The following WAS variants were observed in gnomAD, a reference collection of about 807,000 sequenced individuals.
WAS encodes the protein actin nucleation-promoting factor WAS.
A neutral mutation model predicts 38.9 loss-of-function variants in WAS; 1 was observed. The ratio of observed to expected loss-of-function variants is 0.03; its 90% CI spans 0.01 to 0.12. The LOEUF (loss-of-function observed/expected upper bound fraction) is 0.12, where lower values mean the gene tolerates loss of function less well. WAS is among the 10% of genes least tolerant of loss of function. The pLI is 1.00. For missense variants in WAS, 311 were observed against 431.2 expected (o/e 0.72, Z 2.47); for synonymous variants, 182 against 173.6 (o/e 1.05, Z -0.38).
upstream of WAS, chrX:48,683,285 C>T (rs1346813776): frequency 1.8e-5 from 2 of 111,790 alleles, no homozygotes; most frequent in African/African-American, 6.5e-5. Context: ...GGGGTTTTGC[C>T]ATGTTGCCCA....
At position 48,685,953 on chromosome X, in the gene WAS, C is replaced by T; in HGVS notation, c.471C>T (p.Arg157=). ...KRNQRQSGDR[R]QLPPPPTPAN... is the part of the protein sequence containing the mutation. Reference sequence around the variant, plus strand: ...CAATCCATCTATCCACAGACAGACGCCAGCTACCCCCACCACCAACACCAG... The same window carrying T: ...CAATCCATCTATCCACAGACAGACGTCAGCTACCCCCACCACCAACACCAG... Residue 157 remains arginine (R), a synonymous_variant, in exon 5 of 12, where the codon CGC becomes CGT. Coordinates refer to ENST00000376701, the MANE Select transcript of WAS (RefSeq NM_000377.3). 8.3e-7 allele frequency: 1 copy of T among 1,211,720 alleles called. No homozygotes were observed. Among genetic ancestry groups the T allele is most frequent in the South Asian group, 1.8e-5 (1 of 57,003 alleles).
At chrX:48,688,565 T>C in intron 9 of WAS, 95 bp from the exon 10 acceptor site, 2 of 1,191,153 alleles carry the variant, frequency 1.7e-6, no homozygotes, top group South Asian at 1.8e-5. Context: ...CAGTCAGGAG[T>C]TGGTCAGTGG....
rs782488331 is a variant in WAS, at chrX:48,688,067, G to C, written c.748G>C (p.Val250Leu). 1 of 1,207,423 alleles carries C rather than the reference G, an allele frequency of 8.3e-7. No individual in the cohort carries two copies. Among genetic ancestry groups the C allele is most frequent in the Non-Finnish European group, 1.1e-6 (1 of 893,318 alleles). ...CACCTCTCCCAGGCATGTCAGCCAC[G>C]TGGGGTGGGACCCCCAGAATGGATT... ...APSGFKHVSH[V>L]GWDPQNGFDV... Residue 250 changes from valine (V) to leucine (L), a missense_variant, in exon 8 of 12, where the codon GTG becomes CTG. Physicochemically the swap from Val to Leu is conservative, Grantham distance 32. Transcript: ENST00000376701.
chrX:48,691,235 C>T lies in WAS; in HGVS notation c.*73C>T. 9.6e-7 allele frequency: 1 copy of T among 1,040,089 alleles called. No homozygotes were observed. The highest frequency in any genetic ancestry group is 1.3e-6 in the Non-Finnish European group (1 of 744,015). 85.7% of individuals were successfully genotyped at this position (1,040,089 alleles called of 1,213,427 possible). On this transcript the variant is annotated 3_prime_UTR_variant, in exon 12 of 12. Coordinates refer to ENST00000376701, the MANE Select transcript of WAS (RefSeq NM_000377.3). ...TCCCCCTCCACCTGCTCTGTGCCCA[C>T]CCTCCACTCTCCTCTTCCAGGCCCC...
Position 48,689,251 on chromosome X carries a change from T to TG in WAS, c.1339-67dup, listed in dbSNP as rs2062432132. On this transcript the variant is annotated intron_variant, in intron 10 of 11. Transcript: ENST00000376701. ...GAGTGTGTGGGAGAGAAAATATTGA[T>TG]GGAGGGGCGGGGAGAAATGCTCCTT... 11 of 1,006,708 alleles carry TG rather than the reference T, an allele frequency of 1.1e-5. 1 individual carries two copies. The South Asian group carries it at 2.0e-4, about 19-fold the overall frequency. 83.0% of individuals were successfully genotyped at this position (1,006,708 alleles called of 1,213,427 possible). A position where few individuals can be genotyped will look rare whatever the true frequency, so the allele number is the denominator to read the frequency against.
rs2062438079 is a variant in WAS, at chrX:48,691,027, G to A, written c.1454-80G>A. On this transcript the variant is annotated intron_variant, in intron 11 of 11. Transcript: ENST00000376701. ...TCTAGCATGAGACCTCAGAACCCCA[G>A]GGTCCAGTCCTCACCTCCCAGGCCC... The A allele has an allele frequency of 4.2e-6, 4 of 947,833 alleles. No homozygotes were observed. The African/African-American group carries it at 5.7e-5, about 14-fold the overall frequency. 78.1% of individuals were successfully genotyped at this position (947,833 alleles called of 1,213,427 possible).
chrX:48,684,056 T>C, intron 1 of WAS, 71 bp downstream of exon 1: 1 of 1,156,799 alleles, frequency 8.6e-7, no homozygotes, highest in Non-Finnish European at 1.2e-6. Flanking sequence ...CTTCTCTCTC[T>C]TCCCCTCCTC....
Position 48,689,072 on chromosome X carries a change from G to C in WAS, c.1338+6G>C. 1 of 1,198,249 alleles carries C rather than the reference G, an allele frequency of 8.3e-7. No homozygotes were observed. The highest frequency in any genetic ancestry group is 1.8e-5 in the South Asian group (1 of 56,567). On this transcript the variant is annotated splice_donor_region_variant and intron_variant, in intron 10 of 11. Coordinates refer to ENST00000376701, the MANE Select transcript of WAS (RefSeq NM_000377.3). Reference sequence around the variant, plus strand: ...AGGGAATTCAGCTGAACAAGGTGAGGACAGGCAGGATGGAGGATTGGGGGT... The same window carrying C: ...AGGGAATTCAGCTGAACAAGGTGAGCACAGGCAGGATGGAGGATTGGGGGT...
chrX:48,688,633 C>T (rs368635575), intron 9 of WAS, 27 bp from the exon 10 acceptor site: 1 of 1,209,775 alleles, frequency 8.3e-7, no homozygotes, highest in Non-Finnish European at 1.1e-6. Context: ...ATGAGAGTTA[C>T]AGCTATGTGT....
intron 6 of WAS, 129 bp from the exon 7 acceptor site, chrX:48,686,652 C>G: frequency 2.6e-6 from 2 of 766,057 alleles, no homozygotes; most frequent in Non-Finnish European, 3.9e-6. Context: ...CTACTTGAAC[C>G]CTTCACCCAC....
chrX:48,684,565 T>C lies in WAS; in HGVS notation c.273+142T>C. ...CCCCAGAACCAAAGACTCATCCAGATGGCAAACTCTGACTTGCCTTTCTAA... is the reference window on the plus strand; with the variant it reads ...CCCCAGAACCAAAGACTCATCCAGACGGCAAACTCTGACTTGCCTTTCTAA... On this transcript the variant is annotated intron_variant, in intron 2 of 11. Transcript: ENST00000376701. 6 of 809,299 alleles carry C rather than the reference T, an allele frequency of 7.4e-6. No homozygotes were observed. The South Asian group carries it at 1.5e-4, about 20-fold the overall frequency. The allele number at this position is 809,299 out of a possible 1,213,427, so 66.7% of individuals were successfully genotyped here.
In WAS at chrX:48,689,446, C is replaced by G; in HGVS notation, c.1453+12C>G. ...CATCCACTCCTCCGGTGAGCTGATC[C>G]TGCCGGGGCCTCAAACCTGGCTCCC... On this transcript the variant is annotated intron_variant, in intron 11 of 11. Coordinates refer to ENST00000376701, the MANE Select transcript of WAS (RefSeq NM_000377.3). 1 of 1,190,879 alleles carries G rather than the reference C, an allele frequency of 8.4e-7. No homozygotes were observed. The highest frequency in any genetic ancestry group is 3.0e-5 in the East Asian group (1 of 33,461).
chrX:48,685,722 A>T lies in WAS; in HGVS notation c.361-12A>T, dbSNP rs781885441. 3.4e-6 allele frequency: 4 copies of T among 1,174,247 alleles called. No individual in the cohort carries two copies. In the South Asian group the frequency reaches 7.5e-5, roughly 22 times the overall value. On this transcript the variant is annotated splice_polypyrimidine_tract_variant and intron_variant, in intron 3 of 11. Coordinates refer to ENST00000376701, the MANE Select transcript of WAS (RefSeq NM_000377.3). ...GGGACCTGGGAGGCGGCTGACCCCA[A>T]GGTATGTGCAGGACTGCCAAGCGGG...
chrX:48,677,758 A>C (rs782113335), intron 1 of WAS, among the ~76,000 whole-genome samples: 1,242 of 112,066 alleles, frequency 0.011, 17 homozygotes, highest in African/African-American at 0.039. Flanking sequence ...AACTGTGTAG[A>C]ACTCTCTGTG....
chrX:48,683,686 G>C, upstream of WAS: 1 of 719,035 alleles, frequency 1.4e-6, no homozygotes, highest in East Asian at 3.6e-5. Context: ...GAGGGCCCAA[G>C]CTCAGCCTAA....
rs199602285 is a variant in WAS at position 48,685,640 on chromosome X, G to A, written c.360+7G>A. ...CCACACCTTCGCTGGAGATGTAAGTGATCAACCAGCCCTCGGGCCTCACTT... is the reference window on the plus strand; with the variant it reads ...CCACACCTTCGCTGGAGATGTAAGTAATCAACCAGCCCTCGGGCCTCACTT... On this transcript the variant is annotated splice_region_variant and intron_variant, in intron 3 of 11. Coordinates refer to ENST00000376701, the MANE Select transcript of WAS (RefSeq NM_000377.3). 3 of 1,190,843 alleles carry A rather than the reference G, an allele frequency of 2.5e-6. No individual in the cohort carries two copies. Among genetic ancestry groups the A allele is most frequent in the Non-Finnish European group, 3.4e-6 (3 of 884,860 alleles).
intron 1 of WAS, among the ~76,000 whole-genome samples, chrX:48,677,249 G>A (rs1481771609): frequency 9.0e-6 from 1 of 110,903 alleles, no homozygotes; most frequent in South Asian, 3.9e-4. Flanking sequence ...TGCAGCAGGG[G>A]AAAGAAAAGG....
intron 2 of WAS, among the ~76,000 whole-genome samples, chrX:48,685,141 C>T: frequency 9.0e-6 from 1 of 111,119 alleles, no homozygotes; most frequent in Non-Finnish European, 1.9e-5. Context: ...GCGAAACTCC[C>T]AAGTCTATGT....
At chrX:48,680,416 G>A (rs2062398476), upstream of WAS, among the ~76,000 whole-genome samples, 1 of 110,966 alleles carries the variant, frequency 9.0e-6, no homozygotes, top group Non-Finnish European at 1.9e-5. Context: ...GCTACTCCCA[G>A]GAGGTTAGGC....
Sources: gnomAD v4.1 joint callset for allele counts (sites outside exome capture counted in the v4.1 genomes callset) on GRCh38, gnomAD v4.1.1 for gene constraint, MANE v1.5 for transcripts, NCBI Gene and HGNC (gene_info 2026-07-23, HGNC 2026-07-21) for gene names.